SOX6: variants seen among roughly 807,000 people sequenced by gnomAD.
SOX6 encodes transcription factor SOX-6.
SOX6 carries 11 observed loss-of-function variants against 97.8 expected under a neutral mutation model. The observed-to-expected ratio is 0.11, with a 90% confidence interval of 0.07 to 0.19. SOX6 has a LOEUF of 0.19. Ranked by LOEUF, SOX6 falls within the 10% of genes least tolerant of loss-of-function variation. SOX6 has a pLI of 1.00. For missense variants in SOX6, 810 were observed against 1,039.5 expected, an observed-to-expected ratio of 0.78 and a Z score of 3.04; for synonymous variants, 360 against 371.4, an observed-to-expected ratio of 0.97 and a Z score of 0.35.
chr11:16,299,658 G>C (rs778904499), intron 3 of SOX6, among the ~76,000 whole-genome samples: 3 of 152,092 alleles, frequency 2.0e-5, no homozygotes, highest in African/African-American at 4.8e-5. Context: ...ATCTGCGTAT[G>C]TATTGCTAAT....
intron 4 of SOX6, among the ~76,000 whole-genome samples, chr11:16,542,231 G>T (rs4456227): frequency 6.6e-6 from 1 of 151,972 alleles, no homozygotes; most frequent in African/African-American, 2.4e-5. Context: ...ACCAAACACC[G>T]CATGTTCTCA....
chr11:16,120,208 G>GCT (rs1330542266), intron 6 of SOX6, among the ~76,000 whole-genome samples: 1 of 113,224 alleles, frequency 8.8e-6, no homozygotes, highest in Non-Finnish European at 1.7e-5. Flanking sequence ...TCCCCCTCCT[G>GCT]CTCTCTCTCT....
At chr11:16,199,315 T>A (rs1851870393) in intron 4 of SOX6, among the ~76,000 whole-genome samples, 1 of 152,214 alleles carries the variant, frequency 6.6e-6, no homozygotes, top group African/African-American at 2.4e-5. Flanking sequence ...CACTTTTTTT[T>A]AGCACAAATG....
At chr11:16,638,599 A>C (rs1848834358) in intron 3 of SOX6, among the ~76,000 whole-genome samples, 2 of 152,254 alleles carry the variant, frequency 1.3e-5, no homozygotes, top group South Asian at 4.1e-4. Context: ...TGACTTTTTA[A>C]TGATCACCAT....
chr11:16,554,860 A>G (rs888003521), intron 4 of SOX6, among the ~76,000 whole-genome samples: 10 of 152,148 alleles, frequency 6.6e-5, no homozygotes, highest in African/African-American at 2.4e-4. Context: ...ACCTGCCAAA[A>G]GTCAGCAATT....
At chr11:16,359,308 T>C (rs184041705), upstream of SOX6, among the ~76,000 whole-genome samples, 4 of 151,752 alleles carry the variant, frequency 2.6e-5, no homozygotes, top group African/African-American at 9.7e-5. Flanking sequence ...AACTATGGAG[T>C]GCATGGTGGG....
At chr11:16,068,009 G>A (rs75402586) in intron 9 of SOX6, among the ~76,000 whole-genome samples, 3,656 of 151,860 alleles carry the variant, frequency 0.024, 147 homozygotes, top group African/African-American at 0.084. Context: ...GGAACCCCAG[G>A]CCTAGCCAAG....
At chr11:16,229,649 T>C (rs1450152918) in intron 4 of SOX6, among the ~76,000 whole-genome samples, 1 of 151,962 alleles carries the variant, frequency 6.6e-6, no homozygotes, top group Non-Finnish European at 1.5e-5. Flanking sequence ...TCAATGAGAT[T>C]TGAAAATCTC....
chr11:16,153,085 T>C (rs1850500583), intron 6 of SOX6, among the ~76,000 whole-genome samples: 1 of 152,148 alleles, frequency 6.6e-6, no homozygotes, highest in South Asian at 2.1e-4. Flanking sequence ...CAGGGTGGTA[T>C]CTATCTCTTA....
intron 14 of SOX6, among the ~76,000 whole-genome samples, chr11:15,987,839 T>C (rs1853913166): frequency 6.6e-6 from 1 of 151,436 alleles, no homozygotes; most frequent in African/African-American, 2.4e-5. Flanking sequence ...TTAATTGTAA[T>C]GACATTTAGT....
At chr11:16,437,467 T>A (rs992718006) in intron 1 of SOX6, among the ~76,000 whole-genome samples, 1 of 152,172 alleles carries the variant, frequency 6.6e-6, no homozygotes, top group Non-Finnish European at 1.5e-5. Context: ...GAACCTTATA[T>A]ATTGCAAGTT....
At chr11:16,132,003 A>C (rs1849751808) in intron 6 of SOX6, among the ~76,000 whole-genome samples, 1 of 151,934 alleles carries the variant, frequency 6.6e-6, no homozygotes, top group Admixed American at 6.6e-5. Context: ...TCAAACACTT[A>C]AAATGGATGA....
intron 1 of SOX6, among the ~76,000 whole-genome samples, chr11:16,369,327 T>G (rs1857443358): frequency 6.6e-6 from 1 of 152,174 alleles, no homozygotes; most frequent in Non-Finnish European, 1.5e-5. Flanking sequence ...TATTGTTTCT[T>G]TCCACCAGTC....
At chr11:16,729,213 C>T (rs573339553) in intron 2 of SOX6, among the ~76,000 whole-genome samples, 14 of 152,130 alleles carry the variant, frequency 9.2e-5, no homozygotes, top group Non-Finnish European at 1.6e-4. Context: ...CGTTCAAATT[C>T]GGGAAATACA....
chr11:16,117,784 C>T (rs1214939023), intron 6 of SOX6, among the ~76,000 whole-genome samples: 2 of 152,242 alleles, frequency 1.3e-5, no homozygotes, highest in South Asian at 2.1e-4. Context: ...TGCCTTTTCC[C>T]TACCTTCCCA....
chr11:16,031,755 G>GA (rs1564916243), intron 12 of SOX6, among the ~76,000 whole-genome samples: 1 of 152,074 alleles, frequency 6.6e-6, no homozygotes. Context: ...AGGGGAACAG[G>GA]AAAGGGCAAT....
At chr11:16,029,231 C>T (rs890560865) in intron 12 of SOX6, among the ~76,000 whole-genome samples, 4 of 152,276 alleles carry the variant, frequency 2.6e-5, no homozygotes, top group African/African-American at 9.6e-5. Flanking sequence ...TAAACAAGCA[C>T]ATGTTTATTC....
At chr11:16,237,040 A>G (rs1853045296) in intron 3 of SOX6, among the ~76,000 whole-genome samples, 1 of 151,874 alleles carries the variant, frequency 6.6e-6, no homozygotes, top group African/African-American at 2.4e-5. Context: ...AGCCATGAAA[A>G]TATTTAATAG....
chr11:16,153,840 C>A (rs1015518015), intron 6 of SOX6, among the ~76,000 whole-genome samples: 5 of 151,126 alleles, frequency 3.3e-5, no homozygotes, highest in African/African-American at 1.2e-4. Context: ...TTTTAAAAGT[C>A]AAAAATAAAA....
Sources: gnomAD v4.1 joint callset for allele counts (sites outside exome capture counted in the v4.1 genomes callset) on GRCh38, gnomAD v4.1.1 for gene constraint, MANE v1.5 for transcripts, NCBI Gene and HGNC (gene_info 2026-07-23, HGNC 2026-07-21) for gene names.